SGCZ: variants seen among roughly 807,000 people sequenced by gnomAD.
SGCZ encodes the protein zeta-sarcoglycan.
In SGCZ, 40 loss-of-function variants were observed where a neutral mutation model predicts 41.3. That is an observed-to-expected ratio of 0.97 (90% CI 0.75 to 1.26). The LOEUF is 1.26. Among genes scored for constraint, SGCZ ranks in the 50% most tolerant of loss-of-function variants. SGCZ has a pLI of 0.00. For missense variants in SGCZ, 552 were observed against 369.8 expected, an observed-to-expected ratio of 1.49 and a Z score of -4.04; for synonymous variants, 206 against 137.5, an observed-to-expected ratio of 1.50 and a Z score of -3.49.
chr8:14,524,705 A>T (rs1226079398), intron 2 of SGCZ, among the ~76,000 whole-genome samples: 2 of 152,064 alleles, frequency 1.3e-5, no homozygotes, highest in African/African-American at 4.8e-5. Context: ...CTTTGAACAA[A>T]CCTTCTCTGC....
chr8:14,220,912 A>G (rs529570067), intron 4 of SGCZ, among the ~76,000 whole-genome samples: 1 of 152,332 alleles, frequency 6.6e-6, no homozygotes, highest in East Asian at 1.9e-4. Context: ...TAAGTTGTAG[A>G]TGTTGGAAGT....
chr8:14,576,040 T>A (rs1804701142), intron 1 of SGCZ, among the ~76,000 whole-genome samples: 1 of 150,968 alleles, frequency 6.6e-6, no homozygotes, highest in South Asian at 2.1e-4. Flanking sequence ...TGTACCAACA[T>A]CCTCACATGA....
chr8:14,337,842 G>A (rs1222447821), intron 2 of SGCZ, among the ~76,000 whole-genome samples: 1 of 152,150 alleles, frequency 6.6e-6, no homozygotes, highest in Non-Finnish European at 1.5e-5. Flanking sequence ...CCCACTTTTA[G>A]CAATGGAGAT....
At chr8:14,884,024 A>T (rs1585347714) in intron 1 of SGCZ, among the ~76,000 whole-genome samples, 1 of 152,124 alleles carries the variant, frequency 6.6e-6, no homozygotes, top group Non-Finnish European at 1.5e-5. Context: ...AATGGAGCCA[A>T]CCATTTGTTT....
intron 2 of SGCZ, among the ~76,000 whole-genome samples, chr8:14,369,500 G>C (rs986563479): frequency 6.6e-6 from 1 of 151,956 alleles, no homozygotes; most frequent in East Asian, 1.9e-4. Context: ...CATTAATGAG[G>C]TTAACTTTTT....
intron 1 of SGCZ, among the ~76,000 whole-genome samples, chr8:14,708,199 A>C (rs953566873): frequency 6.6e-6 from 1 of 151,994 alleles, no homozygotes; most frequent in East Asian, 1.9e-4. Flanking sequence ...TAATTTTTAA[A>C]TTATAAAATA....
intron 5 of SGCZ, among the ~76,000 whole-genome samples, chr8:14,109,540 C>T (rs562139017): frequency 4.6e-5 from 7 of 152,048 alleles, no homozygotes; most frequent in Non-Finnish European, 8.8e-5. Context: ...ACTAGATAAA[C>T]TATACAATGT....
At chr8:14,326,237 G>T (rs1802109806) in intron 2 of SGCZ, among the ~76,000 whole-genome samples, 1 of 151,896 alleles carries the variant, frequency 6.6e-6, no homozygotes, top group Admixed American at 6.6e-5. Flanking sequence ...GATGTCAATG[G>T]GTTGGGAAAA....
intron 1 of SGCZ, among the ~76,000 whole-genome samples, chr8:15,181,328 T>A (rs962011289): frequency 2.6e-5 from 4 of 152,124 alleles, no homozygotes; most frequent in African/African-American, 9.7e-5. Flanking sequence ...TATAATTATA[T>A]TTGAATTATA....
chr8:14,402,631 C>G (rs1375719509), intron 2 of SGCZ, among the ~76,000 whole-genome samples: 1 of 142,572 alleles, frequency 7.0e-6, no homozygotes, highest in African/African-American at 3.0e-5. Flanking sequence ...GGGCTCTGTT[C>G]TGTTCCATTG....
intron 1 of SGCZ, among the ~76,000 whole-genome samples, chr8:14,992,884 C>T (rs1384795280): frequency 8.2e-5 from 12 of 146,342 alleles, no homozygotes; most frequent in South Asian, 2.2e-4. Flanking sequence ...TTACCTCTCG[C>T]CCATCCTCCT....
At chr8:14,786,785 G>C (rs572823627) in intron 1 of SGCZ, among the ~76,000 whole-genome samples, 6 of 150,380 alleles carry the variant, frequency 4.0e-5, no homozygotes, top group Non-Finnish European at 5.9e-5. Context: ...CCAAACCAGA[G>C]AGGAGCTAAA....
intron 1 of SGCZ, among the ~76,000 whole-genome samples, chr8:14,635,888 C>A (rs12544458): frequency 0.36 from 54,125 of 151,458 alleles, 9,888 homozygotes; most frequent in East Asian, 0.63. Context: ...TTACTTGGGG[C>A]GTTATTTAAG....
intron 1 of SGCZ, among the ~76,000 whole-genome samples, chr8:15,041,449 A>G (rs571538056): frequency 1.3e-5 from 2 of 152,196 alleles, no homozygotes; most frequent in African/African-American, 4.8e-5. Flanking sequence ...ATTATTTCAT[A>G]GTAATTACAT....
chr8:14,618,877 C>T (rs1396822685), intron 1 of SGCZ, among the ~76,000 whole-genome samples: 4 of 151,980 alleles, frequency 2.6e-5, no homozygotes, highest in Non-Finnish European at 5.9e-5. Flanking sequence ...CAATATTTGG[C>T]CTAAGCAAAT....
At chr8:14,780,259 C>G (rs2130431331) in intron 1 of SGCZ, among the ~76,000 whole-genome samples, 1 of 151,592 alleles carries the variant, frequency 6.6e-6, no homozygotes, top group African/African-American at 2.4e-5. Flanking sequence ...CCTGTAGTCC[C>G]AGCTACTCGG....
intron 1 of SGCZ, among the ~76,000 whole-genome samples, chr8:14,996,187 G>A (rs1394723922): frequency 6.6e-6 from 1 of 152,184 alleles, no homozygotes; most frequent in African/African-American, 2.4e-5. Context: ...ACAGGCATGA[G>A]CCACTACATC....
At position 14,434,776 on chromosome 8, in the gene SGCZ, T is replaced by C. The variant is rs62499695; in HGVS notation, c.235-110572A>G. On this transcript the variant is annotated intron_variant, in intron 2 of 7. Coordinates refer to ENST00000382080, the MANE Select transcript of SGCZ (RefSeq NM_139167.4). The stretch of plus-strand genomic sequence containing the variant: ...TTCTTGATTCTCAGCTTGGTCACTG[T>C]TAGTTAGCTAGGCACGGTAACGCAT... Among the ~76,000 whole-genome samples the C allele has an allele frequency of 6.2e-3, 944 of 152,268 alleles. 3 individuals carry two copies. The highest frequency in any genetic ancestry group is 0.023 in the South Asian group (112 of 4,826).
intron 1 of SGCZ, among the ~76,000 whole-genome samples, chr8:14,757,523 C>A (rs768859983): frequency 4.6e-5 from 7 of 152,128 alleles, no homozygotes; most frequent in Non-Finnish European, 1.0e-4. Context: ...TCAGAGCAGT[C>A]TAGACTCCTG....
Sources: gnomAD v4.1 joint callset for allele counts (sites outside exome capture counted in the v4.1 genomes callset) on GRCh38, gnomAD v4.1.1 for gene constraint, MANE v1.5 for transcripts, NCBI Gene and HGNC (gene_info 2026-07-23, HGNC 2026-07-21) for gene names.